LRP1B: variants seen among roughly 807,000 people sequenced by gnomAD.
LRP1B encodes low-density lipoprotein receptor-related protein 1B.
In LRP1B, 217 loss-of-function variants were observed where a neutral mutation model predicts 556.6. The ratio of observed to expected loss-of-function variants is 0.39; its 90% CI spans 0.35 to 0.44. The LOEUF is 0.44. LRP1B is among the 20% of genes least tolerant of loss of function. LRP1B has a pLI of 1.00. For missense variants in LRP1B, 5,053 were observed against 5,620.8 expected, an observed-to-expected ratio of 0.90 and a Z score of 3.23; for synonymous variants, 2,047 against 1,865.8, an observed-to-expected ratio of 1.10 and a Z score of -2.50.
At chr2:140,349,145 G>A (rs1681838891) in intron 77 of LRP1B, among the ~76,000 whole-genome samples, 1 of 152,042 alleles carries the variant, frequency 6.6e-6, no homozygotes, top group African/African-American at 2.4e-5. Flanking sequence ...AATGGCCACA[G>A]ACTGATACCG....
At chr2:141,165,200 A>C (rs1680200707) in intron 7 of LRP1B, among the ~76,000 whole-genome samples, 1 of 151,702 alleles carries the variant, frequency 6.6e-6, no homozygotes, top group Admixed American at 6.6e-5. Flanking sequence ...AAAATCGGGG[A>C]GTTGAAAGAA....
At chr2:141,883,781 A>T (rs1398911868) in intron 1 of LRP1B, among the ~76,000 whole-genome samples, 1 of 152,126 alleles carries the variant, frequency 6.6e-6, no homozygotes, top group Non-Finnish European at 1.5e-5. Context: ...AAACAAAAAG[A>T]TTGAATTATT....
chr2:140,648,800 C>T (rs185402968), intron 41 of LRP1B, among the ~76,000 whole-genome samples: 41 of 152,186 alleles, frequency 2.7e-4, no homozygotes, highest in East Asian at 2.3e-3. Context: ...AGACAGAATA[C>T]GACATATAAC....
intron 7 of LRP1B, among the ~76,000 whole-genome samples, chr2:141,139,254 A>C (rs59034800): frequency 0.056 from 8,588 of 152,014 alleles, 307 homozygotes; most frequent in African/African-American, 0.098. Context: ...CTGAACTATA[A>C]AACTCCTAGA....
chr2:141,138,317 C>A (rs2105047050), intron 7 of LRP1B, among the ~76,000 whole-genome samples: 1 of 152,044 alleles, frequency 6.6e-6, no homozygotes, highest in East Asian at 1.9e-4. Context: ...AGTATACTTA[C>A]TGGTGAAAGA....
intron 1 of LRP1B, among the ~76,000 whole-genome samples, chr2:141,820,669 A>T (rs1696721983): frequency 6.6e-6 from 1 of 152,244 alleles, no homozygotes; most frequent in African/African-American, 2.4e-5. Context: ...CTCTACAGAC[A>T]TATGTGTATG....
chr2:141,656,184 A>G (rs1419134994), intron 2 of LRP1B, among the ~76,000 whole-genome samples: 1 of 152,102 alleles, frequency 6.6e-6, no homozygotes, highest in Admixed American at 6.5e-5. Flanking sequence ...ACACAATACC[A>G]TGTTGCCTCC....
intron 41 of LRP1B, among the ~76,000 whole-genome samples, chr2:140,654,538 A>AT (rs1553507192): frequency 6.6e-6 from 1 of 152,186 alleles, no homozygotes; most frequent in Non-Finnish European, 1.5e-5. Flanking sequence ...AAACCATTTA[A>AT]TTTTTCTGTA....
chr2:140,703,691 A>C (rs1196306548), intron 37 of LRP1B, among the ~76,000 whole-genome samples: 1 of 152,112 alleles, frequency 6.6e-6, no homozygotes, highest in African/African-American at 2.4e-5. Flanking sequence ...CAAGTAGTCC[A>C]CAGTGTCTCT....
intron 1 of LRP1B, among the ~76,000 whole-genome samples, chr2:141,973,814 T>C (rs573873347): frequency 6.6e-6 from 1 of 151,996 alleles, no homozygotes; most frequent in South Asian, 2.1e-4. Context: ...ACTTGTTCGA[T>C]GATACACTTG....
At chr2:141,187,882 C>G (rs891367338) in intron 7 of LRP1B, among the ~76,000 whole-genome samples, 1 of 151,844 alleles carries the variant, frequency 6.6e-6, no homozygotes, top group Non-Finnish European at 1.5e-5. Flanking sequence ...GAGGAATTCA[C>G]TAACACCATA....
intron 1 of LRP1B, among the ~76,000 whole-genome samples, chr2:142,075,632 G>A (rs1344241549): frequency 1.3e-5 from 2 of 152,080 alleles, no homozygotes; most frequent in Non-Finnish European, 2.9e-5. Flanking sequence ...CTCCTTTAGA[G>A]ATATCTGACA....
At chr2:141,898,909 T>G (rs531303873) in intron 1 of LRP1B, among the ~76,000 whole-genome samples, 5 of 152,258 alleles carry the variant, frequency 3.3e-5, no homozygotes, top group Admixed American at 3.3e-4. Context: ...GAAAATAATT[T>G]ATTGCCTTAG....
intron 41 of LRP1B, among the ~76,000 whole-genome samples, chr2:140,661,901 T>A (rs1559039405): frequency 1.3e-5 from 2 of 152,034 alleles, no homozygotes; most frequent in Admixed American, 1.3e-4. Flanking sequence ...TGTATAGCAT[T>A]AAAATATGAG....
chr2:140,726,689 T>A (rs1049851271), intron 35 of LRP1B, among the ~76,000 whole-genome samples: 4 of 152,206 alleles, frequency 2.6e-5, no homozygotes, highest in South Asian at 2.1e-4. Context: ...ATAGATATTG[T>A]GAGCTCTGAA....
chr2:141,110,846 T>A (rs2104965370), intron 7 of LRP1B, among the ~76,000 whole-genome samples: 1 of 152,324 alleles, frequency 6.6e-6, no homozygotes, highest in Non-Finnish European at 1.5e-5. Context: ...TATTTTGATG[T>A]CTGTTGAATC....
chr2:140,745,052 A>G lies in LRP1B; in HGVS notation c.5758+24161T>C, dbSNP rs191900520. ...TATATTATGTATCATTACTTTAAAA[A>G]CAGAAAAGGAAATTAGCCTGGTAGT... On this transcript the variant is annotated intron_variant, in intron 35 of 90. Transcript: ENST00000389484. 1.9e-3 allele frequency among the ~76,000 whole-genome samples: 291 copies of G among 152,310 alleles called. 1 individual carries two copies. The highest frequency in any genetic ancestry group is 3.0e-3 in the Non-Finnish European group (203 of 68,022).
intron 3 of LRP1B, among the ~76,000 whole-genome samples, chr2:141,458,297 A>G (rs774922067): frequency 2.0e-5 from 3 of 152,192 alleles, no homozygotes; most frequent in South Asian, 4.1e-4. Context: ...CAGAATTCCC[A>G]ATGTAGTCTA....
Position 140,452,395 on chromosome 2 carries a change from A to C in LRP1B, c.9964-1734T>G, listed in dbSNP as rs142945869. Reference sequence around the variant, plus strand: ...AAAAAAATTCACTTGAAATTAGTTAAACCAAGCGGTATATAACGTTTAGTC... The same window carrying C: ...AAAAAAATTCACTTGAAATTAGTTACACCAAGCGGTATATAACGTTTAGTC... On this transcript the variant is annotated intron_variant, in intron 62 of 90. Coordinates refer to ENST00000389484, the MANE Select transcript of LRP1B (RefSeq NM_018557.3). 6.6e-3 allele frequency among the ~76,000 whole-genome samples: 1,004 copies of C among 152,240 alleles called. 8 individuals are homozygous for C. The highest frequency in any genetic ancestry group is 0.011 in the Non-Finnish European group (760 of 67,960).
Sources: gnomAD v4.1 joint callset for allele counts (sites outside exome capture counted in the v4.1 genomes callset) on GRCh38, gnomAD v4.1.1 for gene constraint, MANE v1.5 for transcripts, NCBI Gene and HGNC (gene_info 2026-07-23, HGNC 2026-07-21) for gene names.